Variants in NDST4 observed in about 807,000 individuals in gnomAD.
NDST4 encodes N-heparan sulfate sulfotransferase 4.
Under a neutral mutation model 100.8 loss-of-function variants are expected in NDST4, and 63 were observed. The ratio of observed to expected loss-of-function variants is 0.62; its 90% CI spans 0.51 to 0.77. The LOEUF is 0.77. Among genes scored for constraint, NDST4 ranks in the 30% least tolerant of loss-of-function variants. The pLI is 0.00. For missense variants in NDST4, 943 were observed against 1,018.4 expected (o/e 0.93, Z 1.01); for synonymous variants, 377 against 361.8 (o/e 1.04, Z -0.48).
chr4:115,102,605 C>T (rs1293925743), intron 1 of NDST4, among the ~76,000 whole-genome samples: 1 of 150,670 alleles, frequency 6.6e-6, no homozygotes, highest in Non-Finnish European at 1.5e-5. Flanking sequence ...TCACTTCCAT[C>T]ATCATAAATG....
chr4:115,061,388 G>T (rs1267585975), intron 2 of NDST4, among the ~76,000 whole-genome samples: 1 of 152,196 alleles, frequency 6.6e-6, no homozygotes, highest in African/African-American at 2.4e-5. Context: ...GCCCATCAGT[G>T]ATAGGCTGGA....
In NDST4 at chr4:114,833,711, A is replaced by C. The variant is rs758551653; in HGVS notation, c.2291T>G (p.Leu764Arg). 3 of 1,605,110 alleles carry C rather than the reference A, an allele frequency of 1.9e-6. No individual in the cohort carries two copies. The highest frequency in any genetic ancestry group is 2.6e-6 in the Non-Finnish European group (3 of 1,174,634). The change falls in exon 12 of 14, where the codon CTA becomes CGA. Residue 764 changes from leucine to arginine, a missense_variant. By Grantham distance (102) the Leu-to-Arg change is moderately radical (BLOSUM62 -2). Transcript: ENST00000264363. The stretch of plus-strand genomic sequence containing the variant: ...TCTCAGCTGCTGTCCATCAATAATT[A>C]GCAACTGTAAAGTCAGAAATAGTCA... ...WLTYFATSQL[L>R]IIDGQQLRSD...
intron 2 of NDST4, among the ~76,000 whole-genome samples, chr4:115,031,717 T>C (rs1257959043): frequency 6.6e-6 from 1 of 152,084 alleles, no homozygotes; most frequent in Non-Finnish European, 1.5e-5. Flanking sequence ...GTCCTAGTAA[T>C]TATATGCAAA....
chr4:114,901,045 G>T (rs1048890654), intron 6 of NDST4, among the ~76,000 whole-genome samples: 1 of 151,362 alleles, frequency 6.6e-6, no homozygotes, highest in South Asian at 2.1e-4. Context: ...ATTCTGTACG[G>T]TGTGTTTTAT....
rs576840150 is a variant in NDST4, at chr4:115,021,459, A to T, written c.979-44185T>A. Among the ~76,000 whole-genome samples the T allele has an allele frequency of 1.5e-3, 229 of 151,324 alleles. 2 individuals carry two copies. The highest frequency in any genetic ancestry group is 9.7e-4 in the Non-Finnish European group (66 of 67,788). The stretch of plus-strand genomic sequence containing the variant: ...CACATTCCACATATACACATTCCAT[A>T]TGTACACACGTTCCACATATACACA... On this transcript the variant is annotated intron_variant, in intron 2 of 13. Transcript: ENST00000264363.
intron 1 of NDST4, among the ~76,000 whole-genome samples, chr4:115,089,849 C>T (rs1015256305): frequency 6.6e-6 from 1 of 151,856 alleles, no homozygotes; most frequent in Non-Finnish European, 1.5e-5. Context: ...TCTAAGTTTA[C>T]TGATTATCAA....
chr4:114,907,163 G>C (rs1350505034), intron 6 of NDST4, among the ~76,000 whole-genome samples: 1 of 152,094 alleles, frequency 6.6e-6, no homozygotes, highest in African/African-American at 2.4e-5. Flanking sequence ...CCGAGGCAGT[G>C]ATATATGTCC....
chr4:115,043,688 T>C (rs1253640315), intron 2 of NDST4, among the ~76,000 whole-genome samples: 2 of 152,154 alleles, frequency 1.3e-5, no homozygotes, highest in African/African-American at 4.8e-5. Flanking sequence ...CTCCTGGATG[T>C]CAGTGTCTCA....
intron 2 of NDST4, among the ~76,000 whole-genome samples, chr4:115,015,159 TAC>T (rs1192260411): frequency 2.6e-5 from 4 of 152,110 alleles, no homozygotes; most frequent in Non-Finnish European, 5.9e-5. Context: ...TCACACCAAT[TAC>T]ACAGTTTTTG....
chr4:114,980,069 T>C (rs150073665), intron 2 of NDST4, among the ~76,000 whole-genome samples: 1 of 151,714 alleles, frequency 6.6e-6, no homozygotes, highest in African/African-American at 2.4e-5. Flanking sequence ...AGAAGAAAAG[T>C]AGAAAGATGA....
At chr4:115,012,098 C>A (rs915934952) in intron 2 of NDST4, among the ~76,000 whole-genome samples, 6 of 151,594 alleles carry the variant, frequency 4.0e-5, no homozygotes, top group Admixed American at 3.3e-4. Flanking sequence ...AATTACTTCA[C>A]AAAAGAAAAT....
chr4:115,012,807 A>C (rs930424860), intron 2 of NDST4, among the ~76,000 whole-genome samples: 1 of 152,062 alleles, frequency 6.6e-6, no homozygotes, highest in Non-Finnish European at 1.5e-5. Flanking sequence ...ATCAGTAGAC[A>C]AATGGATAAA....
At chr4:114,844,434 G>A (rs772244483) in intron 10 of NDST4, among the ~76,000 whole-genome samples, 6 of 152,096 alleles carry the variant, frequency 3.9e-5, no homozygotes, top group African/African-American at 9.7e-5. Context: ...CACTAGCCAC[G>A]CGGAATTTCT....
intron 2 of NDST4, among the ~76,000 whole-genome samples, chr4:114,985,068 A>C (rs1048165809): frequency 6.6e-6 from 1 of 152,216 alleles, no homozygotes; most frequent in African/African-American, 2.4e-5. Flanking sequence ...GAAATGGATA[A>C]GTTAATTAAT....
intron 2 of NDST4, among the ~76,000 whole-genome samples, chr4:115,004,909 T>C (rs907487461): frequency 6.6e-6 from 1 of 152,168 alleles, no homozygotes; most frequent in Non-Finnish European, 1.5e-5. Context: ...CACAGGAGTT[T>C]AGCTGTATTT....
At chr4:114,877,784 C>A (rs867038363) in intron 6 of NDST4, among the ~76,000 whole-genome samples, 1 of 152,008 alleles carries the variant, frequency 6.6e-6, no homozygotes, top group African/African-American at 2.4e-5. Context: ...CCCATCTCTA[C>A]TACAAATACA....
At chr4:115,023,458 C>G (rs1309564460) in intron 2 of NDST4, among the ~76,000 whole-genome samples, 1 of 146,272 alleles carries the variant, frequency 6.8e-6, no homozygotes, top group East Asian at 2.0e-4. Flanking sequence ...GCACTCCAGC[C>G]TGGGCAACAA....
At position 115,009,530 on chromosome 4, in the gene NDST4, TA is replaced by T. The variant is rs1204526367; in HGVS notation, c.979-32257del. ...CCTTCCTTACACCTTATACAAAAAT[TA>T]ATTCAAGATGGATTAAAGACTTAAA... is the stretch of plus-strand genomic sequence containing the variant. On this transcript the variant is annotated intron_variant, in intron 2 of 13. Coordinates refer to ENST00000264363, the MANE Select transcript of NDST4 (RefSeq NM_022569.3). Among the ~76,000 whole-genome samples, 4 of 121,754 alleles carry T rather than the reference TA, an allele frequency of 3.3e-5. 1 individual carries two copies. Among genetic ancestry groups the T allele is most frequent in the Non-Finnish European group, 6.9e-5 (4 of 58,354 alleles). The allele number at this position is 121,754 out of a possible 152,430, so 79.9% of individuals were successfully genotyped here. A position where few individuals can be genotyped will look rare whatever the true frequency, so the allele number is the denominator to read the frequency against.
intron 6 of NDST4, among the ~76,000 whole-genome samples, chr4:114,900,405 T>C (rs1231230347): frequency 1.3e-5 from 2 of 150,960 alleles, no homozygotes; most frequent in Admixed American, 1.3e-4. Flanking sequence ...CTTAGATTGA[T>C]TCTAGATCAT....
Sources: gnomAD v4.1 joint callset for allele counts (sites outside exome capture counted in the v4.1 genomes callset) on GRCh38, gnomAD v4.1.1 for gene constraint, MANE v1.5 for transcripts, NCBI Gene and HGNC (gene_info 2026-07-23, HGNC 2026-07-21) for gene names.